Variants in MEIOSIN observed in about 807,000 individuals in gnomAD.
The protein encoded by MEIOSIN is meiosis initiator.
Under a neutral mutation model 23.4 loss-of-function variants are expected in MEIOSIN, and 18 were observed. The observed-to-expected ratio is 0.77, with a 90% CI of 0.53 to 1.14. The LOEUF is 1.14. Ranked by LOEUF, MEIOSIN falls within the 50% of genes most tolerant of loss-of-function variation. MEIOSIN has a pLI of 0.00. For synonymous variants in MEIOSIN, 187 were observed against 100.6 expected (o/e 1.86, Z -5.14); for missense variants, 428 against 242.9 (o/e 1.76, Z -5.07).
intron 2 of MEIOSIN, among the ~76,000 whole-genome samples, chr19:45,739,227 C>T (rs1306547487): frequency 7.9e-5 from 12 of 152,074 alleles, no homozygotes; most frequent in Non-Finnish European, 1.6e-4. Flanking sequence ...GATAGCTCAG[C>T]GCAACCTCCG....
At chr19:45,738,046 A>G (rs1306152326) in intron 2 of MEIOSIN, among the ~76,000 whole-genome samples, 2 of 152,058 alleles carry the variant, frequency 1.3e-5, no homozygotes, top group Non-Finnish European at 2.9e-5. Context: ...GTGAGCCACC[A>G]TGTCTTTACT....
At chr19:45,739,540 T>G in intron 2 of MEIOSIN, 86 bp from the exon 3 acceptor site, 2 of 692,962 alleles carry the variant, frequency 2.9e-6, no homozygotes, top group Non-Finnish European at 5.3e-6. Flanking sequence ...AGAGAAAACA[T>G]CTTTCTAAGA....
Position 45,762,071 on chromosome 19 carries a change from GCCCCTGTGAAGC to G in MEIOSIN, c.1570_1581del (p.Pro524_Pro527del), listed in dbSNP as rs1422474593. The G allele has an allele frequency of 4.3e-6, 2 of 469,066 alleles. No individual in the cohort carries two copies. The highest frequency in any genetic ancestry group is 2.0e-5 in the African/African-American group (1 of 50,678). 29.1% of individuals were successfully genotyped at this position (469,066 alleles called of 1,614,324 possible). A position where few individuals can be genotyped will look rare whatever the true frequency, so the allele number is the denominator to read the frequency against. ...GGCCACGAAGGGCCAAGTAGCCAGGGCCCCTGTGAAGCCCAAGGAGAAGAAGAAAGGCCCCTG... is the reference window on the plus strand; with the variant it reads ...GGCCACGAAGGGCCAAGTAGCCAGGGCCAAGGAGAAGAAGAAAGGCCCCTG... On this transcript the variant is annotated inframe_deletion, in exon 13 of 15. Coordinates refer to ENST00000457052, the MANE Select transcript of MEIOSIN (RefSeq NM_001310124.2).
intron 9 of MEIOSIN, among the ~76,000 whole-genome samples, 187 bp from the exon 10 acceptor site, chr19:45,758,691 A>G (rs765827062): frequency 7.9e-5 from 12 of 152,200 alleles, no homozygotes; most frequent in Non-Finnish European, 1.8e-4. Flanking sequence ...TGGCCTCCCA[A>G]AGTGCTGGGT....
chr19:45,735,701 G>C (rs1430320345), intron 2 of MEIOSIN, among the ~76,000 whole-genome samples: 2 of 151,954 alleles, frequency 1.3e-5, no homozygotes, highest in East Asian at 1.9e-4. Context: ...TTTGAGACAG[G>C]GTTTCACTCC....
rs1292083399 is a variant in MEIOSIN, at chr19:45,735,416, C to T, written c.40C>T (p.Pro14Ser). The T allele has an allele frequency of 5.7e-6, 4 of 702,814 alleles. No homozygotes were observed. The highest frequency in any genetic ancestry group is 4.4e-5 in the South Asian group (3 of 67,580). The allele number at this position is 702,814 out of a possible 1,614,324, so 43.5% of individuals were successfully genotyped here. Residue 14 changes from proline (P) to serine (S), a missense_variant, in exon 2 of 15, where the codon CCC (proline) becomes TCC (serine). Pro to Ser is a moderately conservative substitution (Grantham distance 74). Transcript: ENST00000457052. ...SSRYLGSSEQ[P>S]RANSLGPSDR... ...CAGATACTTGGGTTCCTCTGAACAG[C>T]CCAGAGCTAATTCACTGGGTCCCAG...
intron 1 of MEIOSIN, among the ~76,000 whole-genome samples, chr19:45,734,769 T>C (rs1445160527): frequency 3.3e-5 from 5 of 150,126 alleles, no homozygotes; most frequent in Non-Finnish European, 5.9e-5. Flanking sequence ...CCTCCCAAAG[T>C]GCTAGGATTA....
At chr19:45,749,720 A>T (rs190081591) in intron 4 of MEIOSIN, among the ~76,000 whole-genome samples, 2 of 148,284 alleles carry the variant, frequency 1.3e-5, no homozygotes, top group East Asian at 4.0e-4. Context: ...AAAAAAGACT[A>T]TTGGCCGGGC....
chr19:45,754,266 T>G (rs1454736827), intron 6 of MEIOSIN, among the ~76,000 whole-genome samples: 2 of 152,212 alleles, frequency 1.3e-5, no homozygotes, highest in African/African-American at 4.8e-5. Context: ...CATGAGCCAC[T>G]GCGCCTGGCC....
chr19:45,761,729 C>A lies in MEIOSIN; in HGVS notation c.1296C>A (p.His432Gln), dbSNP rs929783914. Reference protein sequence around the residue: ...PKDPPESHSLHRSSVSLDHCY... With the variant: ...PKDPPESHSLQRSSVSLDHCY... The stretch of plus-strand genomic sequence containing the variant: ...ACCCTCCTGAGTCCCACAGCCTGCA[C>A]CGGTCCTCAGTCTCGCTGGACCACT... The change falls in exon 12 of 15, where the codon CAC becomes CAA. Residue 432 changes from histidine to glutamine, a missense_variant. Coordinates refer to ENST00000457052, the MANE Select transcript of MEIOSIN (RefSeq NM_001310124.2). 1.4e-5 allele frequency: 10 copies of A among 703,030 alleles called. No individual in the cohort carries two copies. Among genetic ancestry groups the A allele is most frequent in the Non-Finnish European group, 2.6e-5 (10 of 384,956 alleles). The allele number at this position is 703,030 out of a possible 1,614,324, so 43.5% of individuals were successfully genotyped here.
intron 10 of MEIOSIN, 145 bp downstream of exon 10, chr19:45,759,178 C>A: frequency 1.6e-6 from 1 of 637,008 alleles, no homozygotes. Flanking sequence ...GGAGCAGCCA[C>A]AGGCTGGTGT....
At chr19:45,751,594 G>C (rs1307351878) in intron 5 of MEIOSIN, among the ~76,000 whole-genome samples, 1 of 151,864 alleles carries the variant, frequency 6.6e-6, no homozygotes, top group Non-Finnish European at 1.5e-5. Context: ...GAGTGCAGTG[G>C]CGTGATCTCT....
chr19:45,756,777 A>C (rs1968839196), intron 8 of MEIOSIN, among the ~76,000 whole-genome samples: 2 of 152,034 alleles, frequency 1.3e-5, no homozygotes, highest in South Asian at 4.2e-4. Flanking sequence ...TCACCTCGTC[A>C]GCCCTCTCTC....
At chr19:45,742,729 C>T (rs1968527522) in intron 3 of MEIOSIN, among the ~76,000 whole-genome samples, 1 of 151,702 alleles carries the variant, frequency 6.6e-6, no homozygotes, top group African/African-American at 2.4e-5. Context: ...TCCCGGGAGG[C>T]GGAGTTTGCA....
At chr19:45,763,297 C>T in intron 13 of MEIOSIN, 41 bp from the exon 14 acceptor site, 1 of 398,710 alleles carries the variant, frequency 2.5e-6, no homozygotes, top group Non-Finnish European at 4.4e-6. Flanking sequence ...GTCAGGGTGT[C>T]CTGCAGACCT....
intron 14 of MEIOSIN, 90 bp downstream of exon 14, chr19:45,763,517 ATGGCATGGGAGAC>A: frequency 1.3e-5 from 5 of 398,054 alleles, no homozygotes; most frequent in Non-Finnish European, 1.8e-5. Flanking sequence ...CTTGGGTGTC[ATGGCATGGGAGAC>A]TGGGCCGAGG....
intron 4 of MEIOSIN, 142 bp from the exon 5 acceptor site, chr19:45,750,533 G>A: frequency 3.3e-6 from 1 of 300,144 alleles, no homozygotes; most frequent in Non-Finnish European, 6.2e-6. Context: ...CTAATTTTTT[G>A]TATTTTTAGT....
chr19:45,739,929 C>A (rs1276455851), intron 3 of MEIOSIN, among the ~76,000 whole-genome samples, 199 bp downstream of exon 3: 1 of 151,926 alleles, frequency 6.6e-6, no homozygotes, highest in African/African-American at 2.4e-5. Context: ...CTCACTGTAA[C>A]CTCTGCCTCT....
At position 45,764,151 on chromosome 19, in the gene MEIOSIN, CT is replaced by C; in HGVS notation, c.*34del. ...GCCCCTCGCCTCGCTCCCCTCACCCCTCATGGCAACCGCGGCTCTTGCTGGA... is the reference window on the plus strand; with the variant it reads ...GCCCCTCGCCTCGCTCCCCTCACCCCCATGGCAACCGCGGCTCTTGCTGGA... On this transcript the variant is annotated 3_prime_UTR_variant, in exon 15 of 15. Coordinates refer to ENST00000457052, the MANE Select transcript of MEIOSIN (RefSeq NM_001310124.2). The C allele has an allele frequency of 2.5e-6, 1 of 398,640 alleles. No individual in the cohort carries two copies. Among genetic ancestry groups the C allele is most frequent in the Non-Finnish European group, 4.4e-6 (1 of 226,044 alleles). The allele number at this position is 398,640 out of a possible 1,614,324, so 24.7% of individuals were successfully genotyped here. A position where few individuals can be genotyped will look rare whatever the true frequency, so the allele number is the denominator to read the frequency against.
Sources: gnomAD v4.1 joint callset for allele counts (sites outside exome capture counted in the v4.1 genomes callset) on GRCh38, gnomAD v4.1.1 for gene constraint, MANE v1.5 for transcripts, NCBI Gene and HGNC (gene_info 2026-07-23, HGNC 2026-07-21) for gene names.